The following APBB2 variants were observed in gnomAD, a reference collection of about 807,000 sequenced individuals.
APBB2 encodes the protein Fe65-like 1.
APBB2 carries 38 observed loss-of-function variants against 82.5 expected under a neutral mutation model. The observed-to-expected ratio is 0.46, with a 90% CI of 0.36 to 0.60. APBB2 has a LOEUF of 0.60. Among genes scored for constraint, APBB2 ranks in the 20% least tolerant of loss-of-function variants. The pLI, the probability that APBB2 is intolerant of heterozygous loss-of-function variation, is 0.00. For synonymous variants in APBB2, 341 were observed against 368.2 expected (o/e 0.93, Z 0.85); for missense variants, 772 against 972.3 (o/e 0.79, Z 2.74).
At chr4:40,925,805 T>C (rs1367894364) in intron 10 of APBB2, among the ~76,000 whole-genome samples, 1 of 152,208 alleles carries the variant, frequency 6.6e-6, no homozygotes, top group Non-Finnish European at 1.5e-5. Context: ...CAGTAGCTGC[T>C]AATATAATTA....
intron 7 of APBB2, among the ~76,000 whole-genome samples, chr4:40,939,521 T>C (rs1019277933): frequency 2.0e-5 from 3 of 152,210 alleles, no homozygotes; most frequent in African/African-American, 4.8e-5. Context: ...GTGGCCTTGA[T>C]AGTAAATGGC....
chr4:41,013,147 T>C (rs1808863400), intron 6 of APBB2, among the ~76,000 whole-genome samples: 1 of 152,214 alleles, frequency 6.6e-6, no homozygotes, highest in Non-Finnish European at 1.5e-5. Flanking sequence ...TCACCATAAA[T>C]AAGTTATTTT....
intron 2 of APBB2, 131 bp from the exon 3 acceptor site, chr4:41,100,881 T>C (rs1745115022): frequency 6.6e-6 from 1 of 152,226 alleles, no homozygotes; most frequent in South Asian, 2.1e-4. Context: ...CCTTAAATGA[T>C]GAGAAATGTA....
At chr4:41,128,018 T>A (rs1330771335) in intron 2 of APBB2, among the ~76,000 whole-genome samples, 1 of 151,952 alleles carries the variant, frequency 6.6e-6, no homozygotes, top group Admixed American at 6.6e-5. Flanking sequence ...AGGCGGAGAT[T>A]GCAGTATGCC....
At chr4:41,075,930 T>C (rs2153912746) in intron 3 of APBB2, among the ~76,000 whole-genome samples, 1 of 152,266 alleles carries the variant, frequency 6.6e-6, no homozygotes. Flanking sequence ...TAACCAGGTA[T>C]CTAAATTGAA....
intron 10 of APBB2, among the ~76,000 whole-genome samples, chr4:40,903,159 A>G (rs2154358097): frequency 6.6e-6 from 1 of 152,194 alleles, no homozygotes. Flanking sequence ...TAAAAAAAAC[A>G]GTAATAAAAT....
At position 41,127,029 on chromosome 4, in the gene APBB2, T is replaced by C. The variant is rs1472523987; in HGVS notation, c.-261+15958A>G. Among the ~76,000 whole-genome samples the C allele has an allele frequency of 6.6e-6, 1 of 152,190 alleles. No homozygotes were observed. Among genetic ancestry groups the C allele is most frequent in the Admixed American group, 6.5e-5 (1 of 15,274 alleles). ...AATCACTAACATGGCAAGGTTCTAT[T>C]TCCATTTATTCTTACCAGTGCCATG... On this transcript the variant is annotated intron_variant, in intron 2 of 17. Transcript: ENST00000508593. The surrounding 1 kb of genome is among the most constrained non-coding windows in gnomAD (Gnocchi z 4.8).
At chr4:40,907,673 T>C (rs1245471952) in intron 10 of APBB2, among the ~76,000 whole-genome samples, 5 of 16,184 alleles carry the variant, frequency 3.1e-4, no homozygotes, top group African/African-American at 1.6e-3. Flanking sequence ...GCCTGACCCT[T>C]TTTTTTTTTT....
chr4:41,120,835 T>C (rs1752597200), intron 2 of APBB2, among the ~76,000 whole-genome samples: 1 of 152,346 alleles, frequency 6.6e-6, no homozygotes, highest in African/African-American at 2.4e-5. Context: ...TCTCAGAACC[T>C]AAATCAAGTG....
chr4:41,190,288 G>A (rs920890419), intron 1 of APBB2, among the ~76,000 whole-genome samples: 5 of 111,746 alleles, frequency 4.5e-5, no homozygotes, highest in Admixed American at 4.0e-4. Flanking sequence ...GTCTTGTTCC[G>A]TCGCCCAGGC....
At chr4:40,904,201 C>A (rs191230264) in intron 10 of APBB2, among the ~76,000 whole-genome samples, 1 of 151,976 alleles carries the variant, frequency 6.6e-6, no homozygotes, top group Non-Finnish European at 1.5e-5. Flanking sequence ...GAGGCTGAGG[C>A]GGGCAGATCA....
intron 10 of APBB2, among the ~76,000 whole-genome samples, chr4:40,915,101 C>A (rs1468423980): frequency 6.6e-6 from 1 of 152,212 alleles, no homozygotes; most frequent in Non-Finnish European, 1.5e-5. Context: ...CGACTCTTGT[C>A]CCCACTGGTT....
chr4:40,899,252 T>C (rs1343796715), intron 10 of APBB2, among the ~76,000 whole-genome samples: 1 of 152,198 alleles, frequency 6.6e-6, no homozygotes, highest in Non-Finnish European at 1.5e-5. Flanking sequence ...CTGTTATTGT[T>C]GTTAGTTACT....
At position 40,830,589 on chromosome 4, in the gene APBB2, A is replaced by G. The variant is rs1263268151; in HGVS notation, c.1530-12T>C. The G allele has an allele frequency of 2.6e-6, 4 of 1,518,556 alleles. No homozygotes were observed. Among genetic ancestry groups the G allele is most frequent in the Non-Finnish European group, 3.7e-6 (4 of 1,093,068 alleles). 94.1% of individuals were successfully genotyped at this position (1,518,556 alleles called of 1,614,324 possible). On this transcript the variant is annotated splice_polypyrimidine_tract_variant and intron_variant, in intron 12 of 17. Coordinates refer to ENST00000508593, the MANE Select transcript of APBB2 (RefSeq NM_004307.2). ...CATAAGCAAAATCCCTGTGCAAGCAAAATGTATCAGTCCATTAGTAAGAGA... is the reference window on the plus strand; with the variant it reads ...CATAAGCAAAATCCCTGTGCAAGCAGAATGTATCAGTCCATTAGTAAGAGA...
chr4:40,941,359 A>G (rs1482411146), intron 7 of APBB2, among the ~76,000 whole-genome samples: 1 of 152,202 alleles, frequency 6.6e-6, no homozygotes, highest in Non-Finnish European at 1.5e-5. Context: ...GATATTAAGA[A>G]AGGTCATTTT....
At chr4:41,108,814 C>T (rs759325909) in intron 2 of APBB2, among the ~76,000 whole-genome samples, 2 of 152,160 alleles carry the variant, frequency 1.3e-5, no homozygotes, top group Admixed American at 6.6e-5. Flanking sequence ...AACCCAACCC[C>T]TTGTTTCTCC....
At chr4:41,174,727 CAAGCTCTG>C (rs1769293574) in intron 1 of APBB2, among the ~76,000 whole-genome samples, 1 of 152,188 alleles carries the variant, frequency 6.6e-6, no homozygotes, top group Non-Finnish European at 1.5e-5. Flanking sequence ...ACCTACTAGT[CAAGCTCTG>C]AAGAACTACG....
chr4:40,840,689 G>A (rs1051323066), intron 12 of APBB2, among the ~76,000 whole-genome samples: 9 of 152,142 alleles, frequency 5.9e-5, no homozygotes, highest in African/African-American at 1.9e-4. Flanking sequence ...GGCTTAGCAG[G>A]GAATTCTTCA....
Position 40,818,494 on chromosome 4 carries a change from T to G in APBB2, c.2113-2235A>C, listed in dbSNP as rs557528369. Among the ~76,000 whole-genome samples, 26 of 152,362 alleles carry G rather than the reference T, an allele frequency of 1.7e-4. 1 individual carries two copies. In the South Asian group the frequency reaches 3.3e-3, roughly 19 times the overall value. Reference sequence around the variant, plus strand: ...ATGACTAAAACCATCTGCTATGATCTGTTTCAATTTCATAAAATACCAAAA... The same window carrying G: ...ATGACTAAAACCATCTGCTATGATCGGTTTCAATTTCATAAAATACCAAAA... On this transcript the variant is annotated intron_variant, in intron 17 of 17. Coordinates refer to ENST00000508593, the MANE Select transcript of APBB2 (RefSeq NM_004307.2).
Sources: gnomAD v4.1 joint callset for allele counts (sites outside exome capture counted in the v4.1 genomes callset) on GRCh38, gnomAD v4.1.1 for gene constraint, Gnocchi (gnomAD v3.1) non-coding constraint, MANE v1.5 for transcripts, NCBI Gene and HGNC (gene_info 2026-07-23, HGNC 2026-07-21) for gene names.